SPMIP7: variants seen among roughly 807,000 people sequenced by gnomAD.
The protein encoded by SPMIP7 is protein SPMIP7.
chr7:50,104,464 T>TAG, the SPMIP7 span: 1 of 417,002 alleles, frequency 2.4e-6, no homozygotes, highest in Non-Finnish European at 3.3e-6. Context: ...TTCATTGTAT[T>TAG]ATATATATAT....
At chr7:50,140,032 A>G in the SPMIP7 span, 2 of 733,772 alleles carry the variant, frequency 2.7e-6, 1 homozygote, top group African/African-American at 3.8e-5. Context: ...GACAATTCCT[A>G]TGAGATATCT....
chr7:50,105,598 A>G, the SPMIP7 span, among the ~76,000 whole-genome samples: 1 of 152,224 alleles, frequency 6.6e-6, no homozygotes, highest in African/African-American at 2.4e-5. Flanking sequence ...TGAAACAGAA[A>G]GGTCATTTAA....
the SPMIP7 span, among the ~76,000 whole-genome samples, chr7:50,156,115 G>A: frequency 6.6e-6 from 1 of 152,144 alleles, no homozygotes; most frequent in Non-Finnish European, 1.5e-5. Flanking sequence ...GAATTTAAAC[G>A]TGTAAAAACT....
chr7:50,115,568 G>A, the SPMIP7 span, among the ~76,000 whole-genome samples: 19 of 152,062 alleles, frequency 1.2e-4, no homozygotes, highest in Non-Finnish European at 1.9e-4. Flanking sequence ...AGATGTTCTC[G>A]GATTGCAACA....
At chr7:50,122,015 G>A in the SPMIP7 span, among the ~76,000 whole-genome samples, 3 of 151,880 alleles carry the variant, frequency 2.0e-5, no homozygotes, top group Non-Finnish European at 4.4e-5. Flanking sequence ...TATATTTGGA[G>A]GTTAAATATG....
the SPMIP7 span, chr7:50,136,082 T>G: frequency 6.5e-7 from 1 of 1,540,368 alleles, no homozygotes; most frequent in Admixed American, 2.0e-5. Context: ...TCATTGATTT[T>G]GACGATTATT....
chr7:50,133,056 A>C, the SPMIP7 span, among the ~76,000 whole-genome samples: 25 of 152,280 alleles, frequency 1.6e-4, no homozygotes, highest in African/African-American at 6.0e-4. Context: ...ACTAAGTGTG[A>C]ATAGGGCAGG....
chr7:50,130,292 C>T, the SPMIP7 span, among the ~76,000 whole-genome samples: 1 of 152,130 alleles, frequency 6.6e-6, no homozygotes, highest in African/African-American at 2.4e-5. Flanking sequence ...CACAGTTCCA[C>T]ATGGCTGGGG....
chr7:50,137,025 G>A, the SPMIP7 span, among the ~76,000 whole-genome samples: 92 of 151,722 alleles, frequency 6.1e-4, no homozygotes, highest in African/African-American at 2.2e-3. Flanking sequence ...CTAGTATTCC[G>A]GATTTGACAT....
At chr7:50,125,263 C>T in the SPMIP7 span, among the ~76,000 whole-genome samples, 1 of 91,038 alleles carries the variant, frequency 1.1e-5, no homozygotes, top group Non-Finnish European at 2.3e-5. Flanking sequence ...TATATATACA[C>T]ACATATATAT....
the SPMIP7 span, among the ~76,000 whole-genome samples, chr7:50,117,588 G>T: frequency 8.5e-5 from 13 of 152,192 alleles, no homozygotes; most frequent in Admixed American, 8.5e-4. Flanking sequence ...GACCACAATT[G>T]TGAGTGTAGT....
the SPMIP7 span, among the ~76,000 whole-genome samples, chr7:50,154,152 A>G: frequency 1.3e-5 from 2 of 152,182 alleles, no homozygotes; most frequent in East Asian, 3.9e-4. Context: ...TGATATTATG[A>G]TGACATATGG....
chr7:50,132,351 T>A, the SPMIP7 span, among the ~76,000 whole-genome samples: 14 of 152,302 alleles, frequency 9.2e-5, no homozygotes, highest in South Asian at 2.1e-4. Flanking sequence ...TTTCCCATTG[T>A]ATTCTTATCT....
At chr7:50,139,391 C>G in the SPMIP7 span, among the ~76,000 whole-genome samples, 1 of 151,354 alleles carries the variant, frequency 6.6e-6, no homozygotes, top group Non-Finnish European at 1.5e-5. Flanking sequence ...GTTCATATAG[C>G]AAGCTGAAGT....
chr7:50,134,938 G>T, the SPMIP7 span, among the ~76,000 whole-genome samples: 1 of 151,980 alleles, frequency 6.6e-6, no homozygotes, highest in African/African-American at 2.4e-5. Flanking sequence ...TCCATTATTT[G>T]CCCATGGTTC....
the SPMIP7 span, among the ~76,000 whole-genome samples, chr7:50,158,209 A>G: frequency 7.2e-6 from 1 of 138,034 alleles, no homozygotes; most frequent in Admixed American, 7.2e-5. Flanking sequence ...GGACCCTTCC[A>G]CCCATGTCTT....
chr7:50,104,637 T>G, the SPMIP7 span, among the ~76,000 whole-genome samples: 1 of 151,190 alleles, frequency 6.6e-6, no homozygotes, highest in Non-Finnish European at 1.5e-5. Flanking sequence ...GGGGGAGGAG[T>G]GAGTAGTAGA....
At chr7:50,135,636 G>A in the SPMIP7 span, among the ~76,000 whole-genome samples, 20 of 152,188 alleles carry the variant, frequency 1.3e-4, no homozygotes, top group East Asian at 3.9e-3. Context: ...TGTGAAAGTT[G>A]GTCCTTTCAT....
At chr7:50,151,810 G>A in the SPMIP7 span, among the ~76,000 whole-genome samples, 59 of 152,244 alleles carry the variant, frequency 3.9e-4, no homozygotes, top group African/African-American at 1.4e-3. Flanking sequence ...TTAGATTAAT[G>A]TTATTACGAA....
Sources: allele counts gnomAD v4.1 joint callset (sites outside exome capture counted in the v4.1 genomes callset), GRCh38; gene constraint gnomAD v4.1.1; transcripts MANE v1.5; gene names NCBI Gene and HGNC (gene_info 2026-07-23, HGNC 2026-07-21).